The following SLC14A2 variants were observed in gnomAD, a reference collection of about 807,000 sequenced individuals.
SLC14A2 encodes urea transporter 2.
A neutral mutation model predicts 104.6 loss-of-function variants in SLC14A2; 91 were observed. The observed-to-expected ratio is 0.87, with a 90% CI of 0.73 to 1.04. The LOEUF (loss-of-function observed/expected upper bound fraction) is 1.04. SLC14A2 is among the 50% of genes least tolerant of loss of function. The probability of loss-of-function intolerance (pLI) is 0.00; values close to 1 mark genes in which losing one functional copy is unlikely to be tolerated. For missense variants in SLC14A2, 1,189 were observed against 1,156.0 expected (o/e 1.03, Z -0.41); for synonymous variants, 476 against 466.4 (o/e 1.02, Z -0.27).
intron 10 of SLC14A2, among the ~76,000 whole-genome samples, chr18:45,658,645 AG>A (rs369256416): frequency 2.2e-3 from 340 of 152,026 alleles, no homozygotes; most frequent in African/African-American, 7.9e-3. Flanking sequence ...GTTTGGGTAA[AG>A]GTTGATATTC....
rs1166088747 is a variant in SLC14A2, at chr18:45,678,983, G to A, written c.2521G>A (p.Ala841Thr). ...TTTTTTTTTTTTTCTAGCACTGTTTGCTGCCTACCTGGGTGCTGCCCTGGC... is the reference window on the plus strand; with the variant it reads ...TTTTTTTTTTTTTCTAGCACTGTTTACTGCCTACCTGGGTGCTGCCCTGGC... The part of the protein sequence containing the change: ...HLLAIACALF[A>T]AYLGAALANM... The change falls in exon 19 of 20, where the codon GCT becomes ACT. Residue 841 changes from alanine (A) to threonine (T), a missense_variant. Transcript: ENST00000255226. The A allele has an allele frequency of 2.7e-6, 4 of 1,464,668 alleles. No homozygotes were observed. The East Asian group carries it at 9.9e-5, about 36-fold the overall frequency. 90.7% of individuals were successfully genotyped at this position (1,464,668 alleles called of 1,614,324 possible).
intron 1 of SLC14A2, among the ~76,000 whole-genome samples, chr18:45,353,091 C>T (rs955804974): frequency 3.3e-5 from 5 of 152,170 alleles, no homozygotes; most frequent in African/African-American, 1.2e-4. Context: ...TGGGATTGGC[C>T]AAGACTCAGC....
intron 2 of SLC14A2, among the ~76,000 whole-genome samples, chr18:45,565,339 T>C (rs937262533): frequency 6.6e-6 from 1 of 152,148 alleles, no homozygotes; most frequent in African/African-American, 2.4e-5. Flanking sequence ...TTAGCCAGGA[T>C]GGTCTTGATC....
chr18:45,567,881 A>T (rs1159575333), intron 2 of SLC14A2, among the ~76,000 whole-genome samples: 2 of 152,188 alleles, frequency 1.3e-5, no homozygotes, highest in Non-Finnish European at 2.9e-5. Context: ...ATCTTTCAGG[A>T]GAAGATGGTG....
chr18:45,301,447 C>T (rs965217220), intron 1 of SLC14A2, among the ~76,000 whole-genome samples: 1 of 152,202 alleles, frequency 6.6e-6, no homozygotes, highest in African/African-American at 2.4e-5. Context: ...CCCACCCTAG[C>T]TAGAGGCTAC....
At chr18:45,664,063 C>G (rs930229174) in intron 11 of SLC14A2, among the ~76,000 whole-genome samples, 156 bp downstream of exon 11, 2 of 152,100 alleles carry the variant, frequency 1.3e-5, no homozygotes, top group African/African-American at 4.8e-5. Context: ...CCACAGTTCC[C>G]CGAATGCGTC....
At chr18:45,256,762 C>A (rs780527580) in intron 1 of SLC14A2, among the ~76,000 whole-genome samples, 24 of 152,196 alleles carry the variant, frequency 1.6e-4, no homozygotes, top group Non-Finnish European at 3.5e-4. Flanking sequence ...GTTTTTACTT[C>A]TCAAAACTAT....
intron 2 of SLC14A2, among the ~76,000 whole-genome samples, chr18:45,565,959 A>G (rs924445087): frequency 6.6e-6 from 1 of 152,190 alleles, no homozygotes; most frequent in African/African-American, 2.4e-5. Flanking sequence ...AAGGCACTAG[A>G]GTGTCAGGTG....
intron 1 of SLC14A2, among the ~76,000 whole-genome samples, chr18:45,460,301 T>C (rs2087021140): frequency 6.6e-6 from 1 of 152,144 alleles, no homozygotes; most frequent in Non-Finnish European, 1.5e-5. Flanking sequence ...CACTGACTCT[T>C]CACCCAATCT....
At chr18:45,524,957 T>C (rs1342697819) in intron 2 of SLC14A2, among the ~76,000 whole-genome samples, 1 of 152,170 alleles carries the variant, frequency 6.6e-6, no homozygotes, top group African/African-American at 2.4e-5. Context: ...CTCCTTATTA[T>C]CAAGATGAAA....
At chr18:45,425,159 T>C (rs1308526417) in intron 1 of SLC14A2, among the ~76,000 whole-genome samples, 2 of 152,224 alleles carry the variant, frequency 1.3e-5, no homozygotes, top group Non-Finnish European at 2.9e-5. Flanking sequence ...AAGAAGCTTC[T>C]AAATATGCCA....
At chr18:45,193,014 ATATACT>A in the SLC14A2 span, among the ~76,000 whole-genome samples, 1 of 152,070 alleles carries the variant, frequency 6.6e-6, no homozygotes. Flanking sequence ...TTATCTTGTC[ATATACT>A]TATTTTAAAC....
At chr18:45,525,089 TG>T (rs1264607346) in intron 2 of SLC14A2, among the ~76,000 whole-genome samples, 1 of 151,770 alleles carries the variant, frequency 6.6e-6, no homozygotes, top group Non-Finnish European at 1.5e-5. Context: ...GGATACCTCT[TG>T]GGGGTAATTC....
upstream of SLC14A2, among the ~76,000 whole-genome samples, chr18:45,611,649 T>C (rs1361483509): frequency 1.3e-5 from 2 of 152,152 alleles, no homozygotes; most frequent in African/African-American, 4.8e-5. Context: ...CCCACAGTCA[T>C]TGGATGAGGG....
chr18:45,551,807 C>T (rs915583016), intron 2 of SLC14A2, among the ~76,000 whole-genome samples: 2 of 152,172 alleles, frequency 1.3e-5, no homozygotes, highest in Non-Finnish European at 2.9e-5. Flanking sequence ...GTCTCATCCA[C>T]GTTTACTGTC....
chr18:45,484,978 T>C (rs540203251), intron 2 of SLC14A2, among the ~76,000 whole-genome samples: 1 of 152,354 alleles, frequency 6.6e-6, no homozygotes, highest in Non-Finnish European at 1.5e-5. Context: ...TTGCTGTTTC[T>C]TGTAATATCA....
intron 1 of SLC14A2, among the ~76,000 whole-genome samples, chr18:45,256,972 T>A (rs1180386569): frequency 6.6e-6 from 1 of 152,268 alleles, no homozygotes; most frequent in African/African-American, 2.4e-5. Context: ...TGGACCAGTG[T>A]TGCTCTTGTC....
intron 1 of SLC14A2, among the ~76,000 whole-genome samples, chr18:45,452,652 G>A (rs188910204): frequency 9.5e-4 from 145 of 152,210 alleles, no homozygotes; most frequent in East Asian, 2.3e-3. Flanking sequence ...CTAGAAAAAC[G>A]CCATGCACTC....
intron 1 of SLC14A2, among the ~76,000 whole-genome samples, chr18:45,291,434 G>A (rs1190176398): frequency 3.3e-5 from 5 of 152,208 alleles, no homozygotes; most frequent in South Asian, 4.1e-4. Flanking sequence ...TTCCCTCCAA[G>A]AATATTTTCC....
Sources: gnomAD v4.1 joint callset for allele counts (sites outside exome capture counted in the v4.1 genomes callset) on GRCh38, gnomAD v4.1.1 for gene constraint, MANE v1.5 for transcripts, NCBI Gene and HGNC (gene_info 2026-07-23, HGNC 2026-07-21) for gene names.